Variants in CNTNAP2 observed in about 807,000 individuals in gnomAD.
The protein encoded by CNTNAP2 is contactin associated protein 2.
A neutral mutation model predicts 155.2 loss-of-function variants in CNTNAP2; 98 were observed. The observed-to-expected ratio is 0.63, with a 90% CI of 0.54 to 0.75. The LOEUF (loss-of-function observed/expected upper bound fraction) is 0.75. Ranked by LOEUF, CNTNAP2 falls within the 30% of genes least tolerant of loss-of-function variation. The pLI is 0.00. For synonymous variants in CNTNAP2, 651 were observed against 631.2 expected (o/e 1.03, Z -0.47); for missense variants, 1,727 against 1,688.1 (o/e 1.02, Z -0.40).
chr7:147,309,970 T>A (rs1330938264), intron 9 of CNTNAP2, among the ~76,000 whole-genome samples: 1 of 152,272 alleles, frequency 6.6e-6, no homozygotes. Context: ...AGGCTTTTTT[T>A]ATTTGTTTAC....
At chr7:148,140,915 T>C (rs1805052636) in intron 16 of CNTNAP2, among the ~76,000 whole-genome samples, 1 of 152,236 alleles carries the variant, frequency 6.6e-6, no homozygotes, top group Admixed American at 6.5e-5. Flanking sequence ...AATTCTCTAT[T>C]ACACAGTTCT....
chr7:147,879,889 A>G (rs1269661958), intron 13 of CNTNAP2, among the ~76,000 whole-genome samples: 1 of 152,220 alleles, frequency 6.6e-6, no homozygotes, highest in Non-Finnish European at 1.5e-5. Context: ...ATTACTACAC[A>G]TAGATGCTTG....
intron 1 of CNTNAP2, among the ~76,000 whole-genome samples, chr7:146,569,588 T>G (rs1286433612): frequency 6.6e-6 from 1 of 152,194 alleles, no homozygotes; most frequent in Non-Finnish European, 1.5e-5. Flanking sequence ...ATTATAGTTC[T>G]TTTTGAAAAA....
At chr7:146,897,930 T>C (rs1795910555) in intron 3 of CNTNAP2, among the ~76,000 whole-genome samples, 1 of 151,970 alleles carries the variant, frequency 6.6e-6, no homozygotes, top group African/African-American at 2.4e-5. Context: ...AATTAAGGAA[T>C]GTTTATATAT....
chr7:147,600,089 A>G (rs573392819), intron 12 of CNTNAP2, among the ~76,000 whole-genome samples: 3 of 152,334 alleles, frequency 2.0e-5, no homozygotes, highest in East Asian at 1.9e-4. Flanking sequence ...TGCTTAGAAT[A>G]CCATGCTTTC....
At chr7:146,506,352 T>C (rs995584063) in intron 1 of CNTNAP2, among the ~76,000 whole-genome samples, 5 of 152,234 alleles carry the variant, frequency 3.3e-5, no homozygotes, top group Non-Finnish European at 5.9e-5. Context: ...GTGTCCACGC[T>C]GGGCATTTCT....
chr7:146,181,048 T>C (rs530745098), intron 1 of CNTNAP2, among the ~76,000 whole-genome samples: 103 of 152,274 alleles, frequency 6.8e-4, no homozygotes, highest in African/African-American at 2.4e-3. Context: ...CTGAGAAACA[T>C]TTTGCACTTC....
At chr7:147,945,568 A>T (rs757269768) in intron 14 of CNTNAP2, among the ~76,000 whole-genome samples, 6 of 152,076 alleles carry the variant, frequency 3.9e-5, no homozygotes, top group African/African-American at 1.4e-4. Context: ...TGTGCTGATT[A>T]TCATGAGAAC....
At chr7:147,313,516 G>A (rs1795164557) in intron 9 of CNTNAP2, among the ~76,000 whole-genome samples, 1 of 149,572 alleles carries the variant, frequency 6.7e-6, no homozygotes, top group African/African-American at 2.5e-5. Context: ...TTATTAAATA[G>A]GGAATCCTTT....
At chr7:147,335,132 G>A (rs1247817469) in intron 9 of CNTNAP2, among the ~76,000 whole-genome samples, 3 of 152,136 alleles carry the variant, frequency 2.0e-5, no homozygotes, top group African/African-American at 7.2e-5. Flanking sequence ...TTGAGAGGCA[G>A]CATGCATTTT....
chr7:147,921,837 T>G (rs2539001), intron 14 of CNTNAP2, among the ~76,000 whole-genome samples: 110,633 of 152,056 alleles, frequency 0.73, 40,534 homozygotes, highest in East Asian at 0.8. Context: ...GGCAGATCTA[T>G]TCAACAAACA....
chr7:147,354,987 T>C (rs2116885454), intron 9 of CNTNAP2, among the ~76,000 whole-genome samples: 1 of 152,242 alleles, frequency 6.6e-6, no homozygotes, highest in East Asian at 1.9e-4. Flanking sequence ...ACTGATTTTG[T>C]ACCCTGACAC....
At chr7:146,527,963 T>C (rs1797715309) in intron 1 of CNTNAP2, among the ~76,000 whole-genome samples, 1 of 152,158 alleles carries the variant, frequency 6.6e-6, no homozygotes, top group Admixed American at 6.6e-5. Context: ...ACGGCTTTTG[T>C]TTTAATTTTA....
intron 13 of CNTNAP2, among the ~76,000 whole-genome samples, chr7:147,669,051 C>A (rs1414095522): frequency 6.6e-6 from 1 of 152,130 alleles, no homozygotes; most frequent in African/African-American, 2.4e-5. Flanking sequence ...CCTAAGGTAT[C>A]CAGTACAGCA....
chr7:147,175,430 A>G lies in CNTNAP2; in HGVS notation c.1348+42921A>G, dbSNP rs982059403. Among the ~76,000 whole-genome samples, 3 of 152,204 alleles carry G rather than the reference A, an allele frequency of 2.0e-5. No homozygotes were observed. In the South Asian group the frequency reaches 6.2e-4, roughly 31 times the overall value. On this transcript the variant is annotated intron_variant, in intron 8 of 23. Coordinates refer to ENST00000361727, the MANE Select transcript of CNTNAP2 (RefSeq NM_014141.6). ...TAATGAACAATTCATCTTCTATTAA[A>G]TGCTACTACTCAATTTTTGTTTCAA...
At chr7:147,660,838 A>G (rs1029527457) in intron 13 of CNTNAP2, among the ~76,000 whole-genome samples, 6 of 152,208 alleles carry the variant, frequency 3.9e-5, no homozygotes, top group Non-Finnish European at 8.8e-5. Context: ...CTGAAATCAC[A>G]TTATGCCTAA....
At chr7:148,251,547 C>T (rs1796362959) in intron 20 of CNTNAP2, among the ~76,000 whole-genome samples, 1 of 152,190 alleles carries the variant, frequency 6.6e-6, no homozygotes, top group African/African-American at 2.4e-5. Context: ...TCCAGTCCCT[C>T]TGCCTTATCT....
chr7:146,304,406 A>C (rs1800670334), intron 1 of CNTNAP2, among the ~76,000 whole-genome samples: 1 of 151,978 alleles, frequency 6.6e-6, no homozygotes, highest in African/African-American at 2.4e-5. Context: ...AGTGGCTGGT[A>C]CCGGTTGTTC....
At chr7:146,196,568 A>G (rs1449278747) in intron 1 of CNTNAP2, among the ~76,000 whole-genome samples, 1 of 151,634 alleles carries the variant, frequency 6.6e-6, no homozygotes, top group East Asian at 1.9e-4. Context: ...AGGGAGGGAG[A>G]GAGAGAGAGA....
Sources: allele counts gnomAD v4.1 joint callset (sites outside exome capture counted in the v4.1 genomes callset), GRCh38; gene constraint gnomAD v4.1.1; transcripts MANE v1.5; gene names NCBI Gene and HGNC (gene_info 2026-07-23, HGNC 2026-07-21).